The following NBPF12 variants were observed in gnomAD, a reference collection of about 807,000 sequenced individuals.
NBPF12 encodes the protein NBPF family member NBPF12.
Under a neutral mutation model 146.4 loss-of-function variants are expected in NBPF12, and 115 were observed. The observed-to-expected ratio is 0.79, with a 90% CI of 0.68 to 0.92. The LOEUF (loss-of-function observed/expected upper bound fraction) is 0.92. Ranked by LOEUF, NBPF12 falls within the 40% of genes least tolerant of loss-of-function variation. The pLI is 0.00. For synonymous variants in NBPF12, 385 were observed against 508.9 expected, an observed-to-expected ratio of 0.76 and a Z score of 3.28; for missense variants, 1,205 against 1,326.8, an observed-to-expected ratio of 0.91 and a Z score of 1.43.
chr1:146,957,841 A>ATTAT (rs1199427444), intron 2 of NBPF12, among the ~76,000 whole-genome samples: 1 of 116,996 alleles, frequency 8.5e-6, no homozygotes, highest in Non-Finnish European at 1.8e-5. Flanking sequence ...AAAAAAATAT[A>ATTAT]ATATATATAT....
upstream of NBPF12, among the ~76,000 whole-genome samples, chr1:146,948,265 C>G (rs1655158528): frequency 6.6e-6 from 1 of 151,848 alleles, no homozygotes; most frequent in African/African-American, 2.4e-5. Context: ...CCTGCTTGGC[C>G]TCTCAAAGTG....
chr1:146,954,461 A>G (rs1655473390), intron 2 of NBPF12, among the ~76,000 whole-genome samples: 1 of 145,966 alleles, frequency 6.9e-6, no homozygotes, highest in South Asian at 2.3e-4. Flanking sequence ...AAAACTACAA[A>G]AAATTGCTTT....
At chr1:146,962,432 T>C (rs1329452732) in intron 5 of NBPF12, among the ~76,000 whole-genome samples, 169 bp downstream of exon 8, 4 of 151,984 alleles carry the variant, frequency 2.6e-5, no homozygotes, top group African/African-American at 9.7e-5. Flanking sequence ...TAATAATAAG[T>C]TCTGTGTTGC....
intron 14 of NBPF12, among the ~76,000 whole-genome samples, chr1:146,973,245 C>T (rs1553886859): frequency 9.3e-5 from 14 of 151,226 alleles, no homozygotes; most frequent in African/African-American, 2.2e-4. Context: ...GAGGCTCAAT[C>T]GTGTTTTCAA....
At chr1:146,963,812 C>G (rs1220030310) in intron 6 of NBPF12, among the ~76,000 whole-genome samples, 74 of 145,786 alleles carry the variant, frequency 5.1e-4, no homozygotes, top group South Asian at 2.1e-3. Flanking sequence ...AGCCCCTCTC[C>G]ATGTGGTGTT....
At chr1:146,984,775 C>T (rs1657644701) in intron 21 of NBPF12, 38 bp from the exon 25 acceptor site, 17 of 984,278 alleles carry the variant, frequency 1.7e-5, no homozygotes, top group African/African-American at 3.1e-5. Context: ...GTTTCTGATT[C>T]CCCCTGGCTT....
At chr1:146,939,676 G>A (rs1405252820) in intron 1 of NBPF12, among the ~76,000 whole-genome samples, 1 of 151,872 alleles carries the variant, frequency 6.6e-6, no homozygotes, top group Non-Finnish European at 1.5e-5. Context: ...TTAACCAAGC[G>A]AGGAATGGTT....
intron 19 of NBPF12, among the ~76,000 whole-genome samples, chr1:146,979,768 A>G (rs1553887761): frequency 1.4e-4 from 2 of 14,308 alleles, no homozygotes; most frequent in East Asian, 1.2e-3. Context: ...GTGTGATGTG[A>G]TGCTGAGAAG....
chr1:146,973,793 T>C (rs1483146244), intron 14 of NBPF12, among the ~76,000 whole-genome samples: 2 of 142,474 alleles, frequency 1.4e-5, no homozygotes, highest in African/African-American at 5.6e-5. Flanking sequence ...TAAAAAAAAA[T>C]AATAATGAGA....
In NBPF12 at chr1:146,959,403, G is replaced by C. The variant is rs1408585940; in HGVS notation, c.-183-456G>C. 2.5e-4 allele frequency among the ~76,000 whole-genome samples: 12 copies of C among 48,164 alleles called. 2 individuals are homozygous for C. The highest frequency in any genetic ancestry group is 4.3e-4 in the Non-Finnish European group (12 of 28,004). 31.6% of individuals were successfully genotyped at this position (48,164 alleles called of 152,430 possible). A position where few individuals can be genotyped will look rare whatever the true frequency, so the allele number is the denominator to read the frequency against. On this transcript the variant is annotated intron_variant, in intron 2 of 33. Transcript: ENST00000617844. ...CTTGGGAGTCTGAGGCAGGAGAATA[G>C]CGTGAACCTGGGAGGCAGAGCTTGC...
rs1449121455 is a variant in NBPF12 at position 146,960,330 on chromosome 1, A to G, written c.175+12A>G. 4.5e-4 allele frequency: 650 copies of G among 1,433,864 alleles called. 3 individuals carry two copies. The highest frequency in any genetic ancestry group is 1.5e-3 in the Admixed American group (90 of 59,344). The allele number at this position is 1,433,864 out of a possible 1,614,324, so 88.8% of individuals were successfully genotyped here. A position where few individuals can be genotyped will look rare whatever the true frequency, so the allele number is the denominator to read the frequency against. The stretch of plus-strand genomic sequence containing the variant: ...ACAGAAGAAATACAGTAAGATCTAT[A>G]GGCTCACCATCATGAAAGTGATGAA... On this transcript the variant is annotated intron_variant, in intron 4 of 33. Coordinates refer to ENST00000617844, the Ensembl canonical transcript of NBPF12.
At chr1:146,962,061 G>GTTT (rs1655884391) in intron 4 of NBPF12, 100 bp from the exon 8 acceptor site, 2 of 1,035,090 alleles carry the variant, frequency 1.9e-6, no homozygotes, top group Non-Finnish European at 3.0e-6. Context: ...ACTGGGGAGA[G>GTTT]TTTTGTCCTT....
At chr1:146,976,142 GT>G (rs1346801245) in intron 16 of NBPF12, among the ~76,000 whole-genome samples, 1 of 149,804 alleles carries the variant, frequency 6.7e-6, no homozygotes, top group Non-Finnish European at 1.5e-5. Context: ...CATCTGTCTA[GT>G]TTTAAAGGAC....
chr1:146,965,708 C>T (rs1553885542), intron 8 of NBPF12, among the ~76,000 whole-genome samples: 1,566 of 140,778 alleles, frequency 0.011, 41 homozygotes, highest in African/African-American at 0.04. Context: ...AGGAGAATGG[C>T]ATGAACCCAG....
At chr1:146,965,920 C>G (rs1243145181) in intron 8 of NBPF12, among the ~76,000 whole-genome samples, 1 of 150,554 alleles carries the variant, frequency 6.6e-6, no homozygotes, top group African/African-American at 2.5e-5. Flanking sequence ...CCAGCCTGTC[C>G]AAGATGGCGA....
At chr1:146,973,387 G>C (rs1359993925) in intron 14 of NBPF12, among the ~76,000 whole-genome samples, 1 of 151,692 alleles carries the variant, frequency 6.6e-6, no homozygotes, top group Non-Finnish European at 1.5e-5. Context: ...CTCTGTTCTA[G>C]TGACTCTGAG....
chr1:146,994,614 C>G (rs1199252551), exon 34 of NBPF12: 22 of 1,589,244 alleles, frequency 1.4e-5, no homozygotes, highest in Non-Finnish European at 1.9e-5. Flanking sequence ...TTCCTGCAGG[C>G]AGGACCTATA....
intron 8 of NBPF12, 24 bp from the exon 12 acceptor site, chr1:146,966,440 T>C (rs1172635409): frequency 2.3e-6 from 3 of 1,323,312 alleles, no homozygotes; most frequent in Non-Finnish European, 3.3e-6. Context: ...TAACCCATCA[T>C]GTGTTTGCCT....
Position 146,940,136 on chromosome 1 carries a change from T to G in NBPF12, c.-822+1154T>G, listed in dbSNP as rs1328636778. On this transcript the variant is annotated intron_variant, in intron 1 of 35. Transcript: ENST00000617931. ...GTTTTTAATCTTTGTTCTGAGCTGT[T>G]ATGCATTAATAGCTTTCTTTTTGTT... 5.9e-3 allele frequency among the ~76,000 whole-genome samples: 896 copies of G among 152,246 alleles called. 16 individuals are homozygous for G. Among genetic ancestry groups the G allele is most frequent in the African/African-American group, 0.02 (848 of 41,464 alleles).
Sources: gnomAD v4.1 joint callset for allele counts (sites outside exome capture counted in the v4.1 genomes callset) on GRCh38, gnomAD v4.1.1 for gene constraint, MANE v1.5 for transcripts, NCBI Gene and HGNC (gene_info 2026-07-23, HGNC 2026-07-21) for gene names.